CLDN23: variants seen among roughly 807,000 people sequenced by gnomAD.
CLDN23 encodes claudin-23.
CLDN23 carries 3 observed loss-of-function variants against 1.4 expected under a neutral mutation model. The ratio of observed to expected loss-of-function variants is 2.10; its 90% CI spans 0.96 to 5.43. The LOEUF (loss-of-function observed/expected upper bound fraction) is 5.43, where lower values mean the gene tolerates loss of function less well. CLDN23 is among the 30% of genes most tolerant of loss of function. CLDN23 has a pLI of 0.02. For missense variants in CLDN23, 597 were observed against 433.5 expected (o/e 1.38, Z -3.35); for synonymous variants, 291 against 209.9 (o/e 1.39, Z -3.34).
rs774574826 is a variant in CLDN23, at chr8:8,702,736, T to A, written c.338T>A (p.Leu113Gln). 1.9e-5 allele frequency: 31 copies of A among 1,609,176 alleles called. No individual in the cohort carries two copies. Among genetic ancestry groups the A allele is most frequent in the Non-Finnish European group, 1.7e-6 (2 of 1,179,498 alleles). ...TGGCAGGACGAGCCCAACTTCGTGC[T>A]GGCAGGGCTCTCGGGCGTCGTGCTC... ...RCWQDEPNFV[L>Q]AGLSGVVLFV... Residue 113 changes from leucine to glutamine, a missense_variant, in exon 1 of 1, where the codon CTG (leucine) becomes CAG (glutamine). By Grantham distance (113) the Leu-to-Gln change is moderately radical. Transcript: ENST00000519106.
In CLDN23 at chr8:8,702,320, G is replaced by GGAAGAAGACGACGGC; in HGVS notation, c.-78_-77insAAGAAGACGACGGCG. The GGAAGAAGACGACGGC allele has an allele frequency of 3.5e-6, 5 of 1,424,218 alleles. No homozygotes were observed. Among genetic ancestry groups the GGAAGAAGACGACGGC allele is most frequent in the Non-Finnish European group, 4.6e-6 (5 of 1,087,140 alleles). 88.2% of individuals were successfully genotyped at this position (1,424,218 alleles called of 1,614,324 possible). On this transcript the variant is annotated 5_prime_UTR_variant, in exon 1 of 1. Coordinates refer to ENST00000519106, the MANE Select transcript of CLDN23 (RefSeq NM_194284.3). Reference sequence around the variant, plus strand: ...GGTCCCCGGAGCCTGGGGCACGGCAGGGAGAAGACGACGGCGGAGAAGGCG... The same window carrying GGAAGAAGACGACGGC: ...GGTCCCCGGAGCCTGGGGCACGGCAGGAAGAAGACGACGGCGGAGAAGACGACGGCGGAGAAGGCG...
Position 8,703,431 on chromosome 8 carries a change from T to C in CLDN23, c.*154T>C, listed in dbSNP as rs1802817432. 2 of 720,894 alleles carry C rather than the reference T, an allele frequency of 2.8e-6. No individual in the cohort carries two copies. Among genetic ancestry groups the C allele is most frequent in the Non-Finnish European group, 2.0e-6 (1 of 505,720 alleles). The allele number at this position is 720,894 out of a possible 1,614,324, so 44.7% of individuals were successfully genotyped here. A position where few individuals can be genotyped will look rare whatever the true frequency, so the allele number is the denominator to read the frequency against. On this transcript the variant is annotated 3_prime_UTR_variant, in exon 1 of 1. Coordinates refer to ENST00000519106, the MANE Select transcript of CLDN23 (RefSeq NM_194284.3). ...CAAACAGGACTCCTTGGACGATTAG[T>C]TCAGGTTGGGTTTGGTTTTCTTCTT...
In CLDN23 at chr8:8,703,342, T is replaced by C; in HGVS notation, c.*65T>C. 1 of 1,295,640 alleles carries C rather than the reference T, an allele frequency of 7.7e-7. No homozygotes were observed. The highest frequency in any genetic ancestry group is 3.1e-5 in the East Asian group (1 of 32,268). 80.3% of individuals were successfully genotyped at this position (1,295,640 alleles called of 1,614,324 possible). A position where few individuals can be genotyped will look rare whatever the true frequency, so the allele number is the denominator to read the frequency against. The stretch of plus-strand genomic sequence containing the variant: ...TCACCCCCGCACAGGCCCGCCTGGC[T>C]TCGAGTTGGAACCCGGACACTTGCC... On this transcript the variant is annotated 3_prime_UTR_variant, in exon 1 of 1. Coordinates refer to ENST00000519106, the MANE Select transcript of CLDN23 (RefSeq NM_194284.3).
Position 8,702,984 on chromosome 8 carries a change from C to G in CLDN23, c.586C>G (p.Pro196Ala), listed in dbSNP as rs1181649342. 1.3e-6 allele frequency: 2 copies of G among 1,564,968 alleles called. No individual in the cohort carries two copies. The highest frequency in any genetic ancestry group is 2.3e-5 in the South Asian group (2 of 87,152). The change falls in exon 1 of 1, where the codon CCC becomes GCC. Residue 196 changes from proline (P) to alanine (A), a missense_variant. By Grantham distance (27) the Pro-to-Ala change is conservative. Transcript: ENST00000519106. Reference sequence around the variant, plus strand: ...GCGTTGTCGCCGCCGCCGCAAGGGACCCTCCGCCGGGCCTCGCCGCAGCAG... The same window carrying G: ...GCGTTGTCGCCGCCGCCGCAAGGGAGCCTCCGCCGGGCCTCGCCGCAGCAG... The part of the protein sequence containing the change: ...DERCRRRRKG[P>A]SAGPRRSSVS...
In CLDN23 at chr8:8,702,373, G is replaced by C. The variant is rs576124419; in HGVS notation, c.-26G>C. ...AGCGGAGAAGGAAGGCAGGCTGCAG[G>C]GGCGCCGTCGGCGCGGCGGGCCGGG... On this transcript the variant is annotated 5_prime_UTR_variant, in exon 1 of 1. Transcript: ENST00000519106. 2 of 1,482,670 alleles carry C rather than the reference G, an allele frequency of 1.3e-6. No homozygotes were observed. Among genetic ancestry groups the C allele is most frequent in the Admixed American group, 2.3e-5 (1 of 42,808 alleles). The allele number at this position is 1,482,670 out of a possible 1,614,324, so 91.8% of individuals were successfully genotyped here.
chr8:8,702,394 C>A lies in CLDN23; in HGVS notation c.-5C>A. On this transcript the variant is annotated 5_prime_UTR_variant, in exon 1 of 1. Coordinates refer to ENST00000519106, the MANE Select transcript of CLDN23 (RefSeq NM_194284.3). ...GCAGGGGCGCCGTCGGCGCGGCGGG[C>A]CGGGATGCGGACGCCGGTGGTGATG... The A allele has an allele frequency of 6.8e-7, 1 of 1,476,774 alleles. No individual in the cohort carries two copies. The highest frequency in any genetic ancestry group is 9.0e-7 in the Non-Finnish European group (1 of 1,117,308). 91.5% of individuals were successfully genotyped at this position (1,476,774 alleles called of 1,614,324 possible).
rs1261309030 is a variant in CLDN23, at chr8:8,702,863, G to A, written c.465G>A (p.Gln155=). ...LPAPASPVTV[Q]VSYSLVLGYL... ...CCCCGGCCAGCCCGGTCACGGTGCA[G>A]GTCAGCTACAGCCTGGTCCTGGGCT... is the stretch of plus-strand genomic sequence containing the variant. Residue 155 remains glutamine (Q), a synonymous_variant, in exon 1 of 1, where the codon CAG becomes CAA. Transcript: ENST00000519106. The A allele has an allele frequency of 2.5e-6, 4 of 1,600,918 alleles. No homozygotes were observed. Among genetic ancestry groups the A allele is most frequent in the Middle Eastern group, 1.7e-4 (1 of 6,034 alleles).
At position 8,703,408 on chromosome 8, in the gene CLDN23, A is replaced by G; in HGVS notation, c.*131A>G. 1.1e-6 allele frequency: 1 copy of G among 873,666 alleles called. No homozygotes were observed. Among genetic ancestry groups the G allele is most frequent in the East Asian group, 3.3e-5 (1 of 30,124 alleles). 54.1% of individuals were successfully genotyped at this position (873,666 alleles called of 1,614,324 possible). A position where few individuals can be genotyped will look rare whatever the true frequency, so the allele number is the denominator to read the frequency against. On this transcript the variant is annotated 3_prime_UTR_variant, in exon 1 of 1. Transcript: ENST00000519106. The stretch of plus-strand genomic sequence containing the variant: ...TGGAAATCTGCCTTTCGTGGGACCA[A>G]ACAGGACTCCTTGGACGATTAGTTC...
rs1272939808 is a variant in CLDN23, at chr8:8,704,079, T to A, written c.*802T>A. 6.1e-6 allele frequency: 1 copy of A among 164,198 alleles called. No individual in the cohort carries two copies. Among genetic ancestry groups the A allele is most frequent in the Admixed American group, 6.5e-5 (1 of 15,292 alleles). The allele number at this position is 164,198 out of a possible 1,614,324, so 10.2% of individuals were successfully genotyped here. ...TATGTATATATCTTTTATTTATAAA[T>A]AAAATTTTAAAACAATAGTTTCAGT... On this transcript the variant is annotated 3_prime_UTR_variant, in exon 1 of 1. Transcript: ENST00000519106.
At position 8,702,743 on chromosome 8, in the gene CLDN23, G is replaced by A; in HGVS notation, c.345G>A (p.Gly115=). Residue 115 remains glycine, a synonymous_variant, in exon 1 of 1, where the codon GGG becomes GGA. Transcript: ENST00000519106. ...WQDEPNFVLA[G]LSGVVLFVAG... is the part of the protein sequence containing the mutation. ...ACGAGCCCAACTTCGTGCTGGCAGG[G>A]CTCTCGGGCGTCGTGCTCTTCGTCG... 1 of 1,609,380 alleles carries A rather than the reference G, an allele frequency of 6.2e-7. No homozygotes were observed. The highest frequency in any genetic ancestry group is 1.3e-5 in the African/African-American group (1 of 75,032).
Position 8,703,118 on chromosome 8 carries a change from G to GCCCAAT in CLDN23, c.725_726insTCCCAA (p.Pro241_Lys242insAsnPro). Reference sequence around the variant, plus strand: ...CGCCTGCCCAGCACCGCAAGCCCAAGCCCAAGCCCAAGGTCGGCTTCCCCA... The same window carrying GCCCAAT: ...CGCCTGCCCAGCACCGCAAGCCCAAGCCCAATCCCAAGCCCAAGGTCGGCTTCCCCA... On this transcript the variant is annotated inframe_insertion, in exon 1 of 1. Transcript: ENST00000519106. The GCCCAAT allele has an allele frequency of 6.5e-7, 1 of 1,547,116 alleles. No homozygotes were observed. Among genetic ancestry groups the GCCCAAT allele is most frequent in the African/African-American group, 1.4e-5 (1 of 72,130 alleles).
chr8:8,703,129 A>C lies in CLDN23; in HGVS notation c.731A>C (p.Lys244Thr). The change falls in exon 1 of 1, where the codon AAG (lysine) becomes ACG (threonine). Residue 244 changes from lysine to threonine, a missense_variant. Lys to Thr is a moderately conservative substitution (Grantham distance 78, BLOSUM62 -1). Coordinates refer to ENST00000519106, the MANE Select transcript of CLDN23 (RefSeq NM_194284.3). ...CACCGCAAGCCCAAGCCCAAGCCCA[A>C]GGTCGGCTTCCCCATGCCGCGGCCG... ...AQHRKPKPKPKVGFPMPRPRP... is the reference protein window; with the variant it reads ...AQHRKPKPKPTVGFPMPRPRP... The C allele has an allele frequency of 6.5e-7, 1 of 1,545,356 alleles. No individual in the cohort carries two copies. The highest frequency in any genetic ancestry group is 8.7e-7 in the Non-Finnish European group (1 of 1,154,158).
At position 8,703,279 on chromosome 8, in the gene CLDN23, C is replaced by T. The variant is rs747748485; in HGVS notation, c.*2C>T. The T allele has an allele frequency of 1.0e-5, 14 of 1,388,774 alleles. No homozygotes were observed. Among genetic ancestry groups the T allele is most frequent in the African/African-American group, 1.5e-5 (1 of 65,922 alleles). The allele number at this position is 1,388,774 out of a possible 1,614,324, so 86.0% of individuals were successfully genotyped here. On this transcript the variant is annotated 3_prime_UTR_variant, in exon 1 of 1. Coordinates refer to ENST00000519106, the MANE Select transcript of CLDN23 (RefSeq NM_194284.3). ...CTGCCCTGCGACTCCGACCTCTAGA[C>T]GCTTGTAGAGCCTGGGGGGCGCCGG...
rs1251637734 is a variant in CLDN23, at chr8:8,703,926, A to G, written c.*649A>G. Reference sequence around the variant, plus strand: ...GGGCATGCAAGAGTTTCTCTTCCAGAAGCCAAGAGGAGAACAAAGGTCCTA... The same window carrying G: ...GGGCATGCAAGAGTTTCTCTTCCAGGAGCCAAGAGGAGAACAAAGGTCCTA... On this transcript the variant is annotated 3_prime_UTR_variant, in exon 1 of 1. Transcript: ENST00000519106. 1 of 167,090 alleles carries G rather than the reference A, an allele frequency of 6.0e-6. No homozygotes were observed. Among genetic ancestry groups the G allele is most frequent in the African/African-American group, 2.4e-5 (1 of 41,458 alleles). The allele number at this position is 167,090 out of a possible 1,614,324, so 10.4% of individuals were successfully genotyped here. A position where few individuals can be genotyped will look rare whatever the true frequency, so the allele number is the denominator to read the frequency against.
At position 8,702,294 on chromosome 8, in the gene CLDN23, G is replaced by A. The variant is rs1190928905; in HGVS notation, c.-105G>A. The A allele has an allele frequency of 2.3e-6, 3 of 1,300,266 alleles. No homozygotes were observed. Among genetic ancestry groups the A allele is most frequent in the African/African-American group, 1.5e-5 (1 of 64,810 alleles). 80.5% of individuals were successfully genotyped at this position (1,300,266 alleles called of 1,614,324 possible). A position where few individuals can be genotyped will look rare whatever the true frequency, so the allele number is the denominator to read the frequency against. On this transcript the variant is annotated 5_prime_UTR_variant, in exon 1 of 1. Transcript: ENST00000519106. ...AGCCCGGGGCGTCCGCGCTGACTTC[G>A]GGTCCCCGGAGCCTGGGGCACGGCA...
Position 8,702,329 on chromosome 8 carries a change from C to A in CLDN23, c.-70C>A, listed in dbSNP as rs949986247. The A allele has an allele frequency of 1.4e-6, 2 of 1,441,720 alleles. No individual in the cohort carries two copies. Among genetic ancestry groups the A allele is most frequent in the Admixed American group, 2.6e-5 (1 of 38,148 alleles). The allele number at this position is 1,441,720 out of a possible 1,614,324, so 89.3% of individuals were successfully genotyped here. ...AGCCTGGGGCACGGCAGGGAGAAGACGACGGCGGAGAAGGCGACAGCGGAG... is the reference window on the plus strand; with the variant it reads ...AGCCTGGGGCACGGCAGGGAGAAGAAGACGGCGGAGAAGGCGACAGCGGAG... On this transcript the variant is annotated 5_prime_UTR_variant, in exon 1 of 1. Coordinates refer to ENST00000519106, the MANE Select transcript of CLDN23 (RefSeq NM_194284.3).
Position 8,703,006 on chromosome 8 carries a change from G to C in CLDN23, c.608G>C (p.Ser203Thr). 1 of 1,562,596 alleles carries C rather than the reference G, an allele frequency of 6.4e-7. No homozygotes were observed. The highest frequency in any genetic ancestry group is 8.6e-7 in the Non-Finnish European group (1 of 1,159,938). The change falls in exon 1 of 1, where the codon AGC becomes ACC. Residue 203 changes from serine (S) to threonine (T), a missense_variant. Physicochemically the swap from Ser to Thr is moderately conservative, Grantham distance 58. Coordinates refer to ENST00000519106, the MANE Select transcript of CLDN23 (RefSeq NM_194284.3). Reference sequence around the variant, plus strand: ...GGACCCTCCGCCGGGCCTCGCCGCAGCAGCGTCAGCACCATCCAAGTGGAG... The same window carrying C: ...GGACCCTCCGCCGGGCCTCGCCGCACCAGCGTCAGCACCATCCAAGTGGAG... ...RKGPSAGPRR[S>T]SVSTIQVEWP...
chr8:8,702,689 G>C lies in CLDN23; in HGVS notation c.291G>C (p.Leu97=). The stretch of plus-strand genomic sequence containing the variant: ...CCGCCACGGTCCTGGGGCTTCTGCT[G>C]GCGTCGCTGGGCGTGCGCTGCTGGC... ...SLAATVLGLL[L]ASLGVRCWQD... is the part of the protein sequence containing the mutation. Residue 97 remains leucine (L), a synonymous_variant, in exon 1 of 1, where the codon CTG becomes CTC. Coordinates refer to ENST00000519106, the MANE Select transcript of CLDN23 (RefSeq NM_194284.3). The C allele has an allele frequency of 1.7e-5, 28 of 1,606,154 alleles. No individual in the cohort carries two copies. The highest frequency in any genetic ancestry group is 2.3e-5 in the Non-Finnish European group (27 of 1,179,042).
Position 8,703,046 on chromosome 8 carries a change from C to A in CLDN23, c.648C>A (p.Asp216Glu). The A allele has an allele frequency of 6.5e-7, 1 of 1,529,710 alleles. No individual in the cohort carries two copies. The highest frequency in any genetic ancestry group is 1.2e-5 in the South Asian group (1 of 82,326). The allele number at this position is 1,529,710 out of a possible 1,614,324, so 94.8% of individuals were successfully genotyped here. A position where few individuals can be genotyped will look rare whatever the true frequency, so the allele number is the denominator to read the frequency against. The change falls in exon 1 of 1, where the codon GAC (aspartate) becomes GAA (glutamate). Residue 216 changes from aspartate to glutamate, a missense_variant. Physicochemically the swap from Asp to Glu is conservative, Grantham distance 45. Transcript: ENST00000519106. ...STIQVEWPEP[D>E]LAPAIKYYSD... Reference sequence around the variant, plus strand: ...TCCAAGTGGAGTGGCCCGAGCCCGACCTGGCGCCCGCCATCAAGTACTACA... The same window carrying A: ...TCCAAGTGGAGTGGCCCGAGCCCGAACTGGCGCCCGCCATCAAGTACTACA...
Sources: gnomAD v4.1 joint callset for allele counts on GRCh38, gnomAD v4.1.1 for gene constraint, MANE v1.5 for transcripts, NCBI Gene and HGNC (gene_info 2026-07-23, HGNC 2026-07-21) for gene names.